The following NDST4 variants were observed in gnomAD, a reference collection of about 807,000 sequenced individuals.
NDST4 encodes the protein N-heparan sulfate sulfotransferase 4.
A neutral mutation model predicts 100.8 loss-of-function variants in NDST4; 63 were observed. The ratio of observed to expected loss-of-function variants is 0.62; its 90% CI spans 0.51 to 0.77. The LOEUF (loss-of-function observed/expected upper bound fraction) is 0.77. NDST4 is among the 30% of genes least tolerant of loss of function. The pLI, the probability that NDST4 is intolerant of heterozygous loss-of-function variation, is 0.00. For missense variants in NDST4, 943 were observed against 1,018.4 expected, an observed-to-expected ratio of 0.93 and a Z score of 1.01; for synonymous variants, 377 against 361.8, an observed-to-expected ratio of 1.04 and a Z score of -0.48.
At chr4:114,941,693 G>A (rs941820859) in intron 4 of NDST4, among the ~76,000 whole-genome samples, 2 of 152,070 alleles carry the variant, frequency 1.3e-5, no homozygotes, top group Non-Finnish European at 2.9e-5. Context: ...TGTTTTTAAC[G>A]GAGATCCTGT....
chr4:114,908,254 T>C (rs889297013), intron 6 of NDST4, among the ~76,000 whole-genome samples: 5 of 152,140 alleles, frequency 3.3e-5, no homozygotes, highest in African/African-American at 1.2e-4. Context: ...GTGGTACATA[T>C]ATTTAAAGTA....
chr4:115,095,048 C>CAGCT (rs1729592945), intron 1 of NDST4, among the ~76,000 whole-genome samples: 1 of 152,148 alleles, frequency 6.6e-6, no homozygotes, highest in African/African-American at 2.4e-5. Context: ...ATGTCAGAGA[C>CAGCT]AGCTGTCTAC....
At chr4:115,055,248 G>A (rs970567737) in intron 2 of NDST4, among the ~76,000 whole-genome samples, 8 of 152,150 alleles carry the variant, frequency 5.3e-5, no homozygotes, top group South Asian at 2.1e-4. Flanking sequence ...TTATGGTAAC[G>A]TGTATAATTA....
chr4:115,082,987 C>T (rs1323478383), intron 1 of NDST4, among the ~76,000 whole-genome samples: 1 of 152,136 alleles, frequency 6.6e-6, no homozygotes, highest in African/African-American at 2.4e-5. Context: ...ATTGGAATGA[C>T]TTAAGAATTT....
intron 4 of NDST4, among the ~76,000 whole-genome samples, chr4:114,943,518 C>G (rs1341423357): frequency 6.6e-6 from 1 of 152,080 alleles, no homozygotes; most frequent in Non-Finnish European, 1.5e-5. Context: ...CGTTTGGGGC[C>G]TTATAGTCTT....
At chr4:115,091,789 A>G (rs1039092202) in intron 1 of NDST4, among the ~76,000 whole-genome samples, 43 of 152,162 alleles carry the variant, frequency 2.8e-4, no homozygotes, top group African/African-American at 9.9e-4. Context: ...AAATGCACAT[A>G]TATATAATAG....
chr4:115,100,801 ACTC>A (rs1306049607), intron 1 of NDST4, among the ~76,000 whole-genome samples: 1 of 61,662 alleles, frequency 1.6e-5, no homozygotes, highest in African/African-American at 1.1e-4. Context: ...CAAATGCTTC[ACTC>A]CTTTTTTTTT....
chr4:115,033,564 G>A (rs1374170147), intron 2 of NDST4, among the ~76,000 whole-genome samples: 1 of 150,980 alleles, frequency 6.6e-6, no homozygotes, highest in African/African-American at 2.4e-5. Context: ...TAATTGTGTG[G>A]AGTAAGAGCT....
At chr4:115,090,776 A>G (rs553888378) in intron 1 of NDST4, among the ~76,000 whole-genome samples, 70 of 152,194 alleles carry the variant, frequency 4.6e-4, no homozygotes, top group African/African-American at 1.3e-3. Context: ...TGTTAACTAG[A>G]TAAGTCCAGG....
chr4:114,927,040 G>A (rs1009392010), intron 6 of NDST4, among the ~76,000 whole-genome samples: 3 of 151,904 alleles, frequency 2.0e-5, no homozygotes, highest in Non-Finnish European at 4.4e-5. Context: ...TAATGGGAAG[G>A]TTTTTTTCTT....
chr4:115,029,252 G>A (rs1344005493), intron 2 of NDST4, among the ~76,000 whole-genome samples: 2 of 152,102 alleles, frequency 1.3e-5, no homozygotes, highest in East Asian at 3.9e-4. Context: ...CAGTGAGCAT[G>A]TTAATAGGGT....
chr4:115,076,926 G>C lies in NDST4; in HGVS notation c.111C>G (p.Tyr37Ter). Residue 37 changes from tyrosine to a stop codon, truncating the protein, a stop_gained, in exon 2 of 14, where the codon TAC becomes TAG. Transcript: ENST00000264363. LOFTEE classifies it high-confidence loss of function. Reference sequence around the variant, plus strand: ...TTTCAATAAGTGTCATTTCCTGTTTGTAGCCAGAGTAGAGAAAATAGGCAG... The same window carrying C: ...TTTCAATAAGTGTCATTTCCTGTTTCTAGCCAGAGTAGAGAAAATAGGCAG... ...VISAYFLYSG[Y>*]KQEMTLIETT... The C allele has an allele frequency of 6.2e-7, 1 of 1,613,644 alleles. No individual in the cohort carries two copies. Among genetic ancestry groups the C allele is most frequent in the Non-Finnish European group, 8.5e-7 (1 of 1,179,792 alleles).
intron 1 of NDST4, among the ~76,000 whole-genome samples, chr4:115,102,189 T>G (rs1403915523): frequency 6.6e-6 from 1 of 152,178 alleles, no homozygotes; most frequent in Non-Finnish European, 1.5e-5. Context: ...AGTATTGATT[T>G]GCATCCTTGC....
intron 2 of NDST4, among the ~76,000 whole-genome samples, chr4:115,066,218 G>C (rs1438141781): frequency 6.6e-6 from 1 of 152,026 alleles, no homozygotes; most frequent in Non-Finnish European, 1.5e-5. Context: ...CAAAGGAAAA[G>C]GTATTACTGG....
intron 9 of NDST4, among the ~76,000 whole-genome samples, chr4:114,846,567 TA>T (rs1379807139): frequency 1.3e-5 from 2 of 152,204 alleles, no homozygotes; most frequent in African/African-American, 4.8e-5. Flanking sequence ...ATTAAGGGGA[TA>T]TTTCCTGCCA....
intron 1 of NDST4, among the ~76,000 whole-genome samples, chr4:115,104,336 G>A (rs2110344650): frequency 6.6e-6 from 1 of 152,202 alleles, no homozygotes; most frequent in Admixed American, 6.6e-5. Context: ...GAGACAGATG[G>A]TGGCCAGGAA....
chr4:115,030,564 T>C (rs1728093234), intron 2 of NDST4, among the ~76,000 whole-genome samples: 1 of 152,112 alleles, frequency 6.6e-6, no homozygotes, highest in Non-Finnish European at 1.5e-5. Context: ...GTCAGACTTT[T>C]GGGAAGAAAT....
At chr4:115,101,816 T>C (rs972428127) in intron 1 of NDST4, among the ~76,000 whole-genome samples, 6 of 152,140 alleles carry the variant, frequency 3.9e-5, no homozygotes, top group African/African-American at 1.4e-4. Context: ...TATATGCTTA[T>C]TAGCAGGTGA....
intron 2 of NDST4, among the ~76,000 whole-genome samples, chr4:114,986,830 ATATT>A (rs1553959397): frequency 1.1e-5 from 1 of 91,966 alleles, no homozygotes; most frequent in African/African-American, 4.3e-5. Context: ...ATATATATAT[ATATT>A]TTAATATACT....
Sources: allele counts gnomAD v4.1 joint callset (sites outside exome capture counted in the v4.1 genomes callset), GRCh38; gene constraint gnomAD v4.1.1; transcripts MANE v1.5; gene names NCBI Gene and HGNC (gene_info 2026-07-23, HGNC 2026-07-21).